The following FRMD4A variants were observed in gnomAD, a reference collection of about 807,000 sequenced individuals.
FRMD4A encodes the protein FERM domain containing 4A.
FRMD4A carries 29 observed loss-of-function variants against 129.1 expected under a neutral mutation model. That is an observed-to-expected ratio of 0.22 (90% CI 0.17 to 0.31). The LOEUF is 0.31. Ranked by LOEUF, FRMD4A falls within the 10% of genes least tolerant of loss-of-function variation. The pLI, the probability that FRMD4A is intolerant of heterozygous loss-of-function variation, is 1.00. For synonymous variants in FRMD4A, 634 were observed against 571.6 expected (o/e 1.11, Z -1.56); for missense variants, 1,272 against 1,375.8 (o/e 0.92, Z 1.19).
intron 2 of FRMD4A, among the ~76,000 whole-genome samples, chr10:14,136,195 A>T (rs1159712257): frequency 6.6e-6 from 1 of 152,180 alleles, no homozygotes; most frequent in African/African-American, 2.4e-5. Context: ...AAATCTCGGG[A>T]CCCCATAATC....
intron 2 of FRMD4A, among the ~76,000 whole-genome samples, chr10:13,957,209 G>A (rs1291753086): frequency 1.3e-5 from 2 of 152,200 alleles, no homozygotes; most frequent in Non-Finnish European, 2.9e-5. Flanking sequence ...AGAGACCTTA[G>A]GGAGGTTACA....
At chr10:14,214,752 C>G (rs1381697490) in intron 2 of FRMD4A, among the ~76,000 whole-genome samples, 1 of 152,136 alleles carries the variant, frequency 6.6e-6, no homozygotes, top group Non-Finnish European at 1.5e-5. Flanking sequence ...ATCATGGCAT[C>G]TCATGGGTAG....
At chr10:14,311,113 C>T (rs1299826988) in intron 2 of FRMD4A, among the ~76,000 whole-genome samples, 1 of 152,132 alleles carries the variant, frequency 6.6e-6, no homozygotes, top group African/African-American at 2.4e-5. Context: ...TGGCTTGCAT[C>T]CCTCTGTGTG....
intron 8 of FRMD4A, among the ~76,000 whole-genome samples, chr10:13,751,765 C>T (rs1340727708): frequency 6.6e-6 from 1 of 152,224 alleles, no homozygotes; most frequent in Non-Finnish European, 1.5e-5. Context: ...AATCCCAGCA[C>T]TTTGGGAGGC....
intron 3 of FRMD4A, among the ~76,000 whole-genome samples, chr10:13,831,631 C>T (rs1252997721): frequency 6.6e-6 from 1 of 152,140 alleles, no homozygotes; most frequent in African/African-American, 2.4e-5. Context: ...TTTCTGGACA[C>T]CATGGAGTTA....
At chr10:13,776,774 C>G (rs747958131) in intron 6 of FRMD4A, among the ~76,000 whole-genome samples, 2 of 152,162 alleles carry the variant, frequency 1.3e-5, no homozygotes, top group Non-Finnish European at 2.9e-5. Flanking sequence ...ACTAAACCTA[C>G]GCTGGGTAAA....
At chr10:14,074,063 A>G (rs1037963371) in intron 2 of FRMD4A, among the ~76,000 whole-genome samples, 2 of 152,198 alleles carry the variant, frequency 1.3e-5, no homozygotes, top group African/African-American at 4.8e-5. Context: ...CAGAGCTGAG[A>G]TCGTGCCCCT....
At chr10:13,924,725 G>C (rs2095110522) in intron 2 of FRMD4A, among the ~76,000 whole-genome samples, 1 of 152,056 alleles carries the variant, frequency 6.6e-6, no homozygotes, top group East Asian at 1.9e-4. Flanking sequence ...CATGGGCACG[G>C]ACATGTTTTA....
intron 2 of FRMD4A, among the ~76,000 whole-genome samples, chr10:13,922,811 A>G (rs562775949): frequency 6.6e-6 from 1 of 152,212 alleles, no homozygotes; most frequent in Non-Finnish European, 1.5e-5. Context: ...CATTACAATG[A>G]GGCATGTGAC....
At position 13,646,619 on chromosome 10, in the gene FRMD4A, T is replaced by C. The variant is rs1340526534; in HGVS notation, c.*419A>G. The C allele has an allele frequency of 1.3e-5, 2 of 152,530 alleles. No homozygotes were observed. The highest frequency in any genetic ancestry group is 2.9e-5 in the Non-Finnish European group (2 of 68,158). The allele number at this position is 152,530 out of a possible 1,614,324, so 9.4% of individuals were successfully genotyped here. On this transcript the variant is annotated 3_prime_UTR_variant, in exon 25 of 25. Coordinates refer to ENST00000357447, the MANE Select transcript of FRMD4A (RefSeq NM_018027.5). ...CCCAACGCTACTTATCCGCAGGAAT[T>C]GGATGCCGGCTGGCCCCCCTGATGG...
chr10:13,903,325 T>C (rs1169011614), intron 2 of FRMD4A, among the ~76,000 whole-genome samples: 1 of 152,226 alleles, frequency 6.6e-6, no homozygotes, highest in Non-Finnish European at 1.5e-5. Context: ...TACTTAGCTG[T>C]TTGTTTTATT....
intron 2 of FRMD4A, among the ~76,000 whole-genome samples, chr10:14,155,594 C>T (rs546967559): frequency 2.0e-5 from 3 of 152,222 alleles, no homozygotes; most frequent in African/African-American, 7.2e-5. Flanking sequence ...GTTTTATGTA[C>T]AGAAAAATAA....
intron 2 of FRMD4A, among the ~76,000 whole-genome samples, chr10:14,081,348 C>A (rs1481073001): frequency 6.6e-6 from 1 of 152,162 alleles, no homozygotes; most frequent in Non-Finnish European, 1.5e-5. Context: ...TGGGTGCCTG[C>A]AACCACTGGG....
At position 14,120,115 on chromosome 10, in the gene FRMD4A, A is replaced by G. The variant is rs1462055094; in HGVS notation, c.45+209943T>C. On this transcript the variant is annotated intron_variant, in intron 2 of 24. Transcript: ENST00000357447. ...CCTGACAATGGGTCCACTTCCTTCC[A>G]TCTCCCAGGAGATAGGCAAATCATC... Among the ~76,000 whole-genome samples the G allele has an allele frequency of 3.3e-5, 5 of 149,636 alleles. No individual in the cohort carries two copies. In the Admixed American group the frequency reaches 3.4e-4, roughly 10 times the overall value.
chr10:13,814,580 C>CAAAAAA (rs553044764), intron 3 of FRMD4A, among the ~76,000 whole-genome samples: 965 of 41,340 alleles, frequency 0.023, 3 homozygotes, highest in East Asian at 0.027. Flanking sequence ...GACCCTGTTT[C>CAAAAAA]AAAAAAAAAA....
chr10:14,067,159 T>C (rs1835099035), intron 2 of FRMD4A, among the ~76,000 whole-genome samples: 1 of 151,484 alleles, frequency 6.6e-6, no homozygotes, highest in Admixed American at 6.6e-5. Context: ...CTAATAAAAA[T>C]ACAAAAATTA....
At chr10:13,781,018 G>A (rs1004338017) in intron 6 of FRMD4A, among the ~76,000 whole-genome samples, 28 of 152,264 alleles carry the variant, frequency 1.8e-4, no homozygotes, top group Admixed American at 1.3e-4. Context: ...TAAAAAGGAA[G>A]GCAGCCAAGC....
intron 2 of FRMD4A, among the ~76,000 whole-genome samples, chr10:14,185,567 G>C (rs570948321): frequency 6.6e-6 from 1 of 152,114 alleles, no homozygotes; most frequent in Non-Finnish European, 1.5e-5. Flanking sequence ...CTATTTAAAG[G>C]TTCAATCTCG....
intron 3 of FRMD4A, among the ~76,000 whole-genome samples, chr10:13,853,427 A>G (rs1422023088): frequency 6.6e-6 from 1 of 152,174 alleles, no homozygotes; most frequent in Non-Finnish European, 1.5e-5. Flanking sequence ...AGCCCCAGCT[A>G]CTGGAGAGGC....
Sources: allele counts gnomAD v4.1 joint callset (sites outside exome capture counted in the v4.1 genomes callset), GRCh38; gene constraint gnomAD v4.1.1; transcripts MANE v1.5; gene names NCBI Gene and HGNC (gene_info 2026-07-23, HGNC 2026-07-21).